The following ERC1 variants were observed in gnomAD, a reference collection of about 807,000 sequenced individuals.
The protein encoded by ERC1 is ELKS/RAB6-interacting/CAST family member 1, also known as RAB6 interacting protein 2.
A neutral mutation model predicts 132.0 loss-of-function variants in ERC1; 56 were observed. That is an observed-to-expected ratio of 0.42 (90% confidence interval 0.34 to 0.53). The LOEUF (loss-of-function observed/expected upper bound fraction) is 0.53, where lower values mean the gene tolerates loss of function less well. Among genes scored for constraint, ERC1 ranks in the 20% least tolerant of loss-of-function variants. The pLI is 0.03. For synonymous variants in ERC1, 478 were observed against 476.1 expected, an observed-to-expected ratio of 1.00 and a Z score of -0.05; for missense variants, 1,202 against 1,349.9, an observed-to-expected ratio of 0.89 and a Z score of 1.72.
intron 16 of ERC1, among the ~76,000 whole-genome samples, chr12:1,382,817 ATTATT>A (rs952964998): frequency 2.0e-5 from 3 of 152,174 alleles, no homozygotes; most frequent in African/African-American, 4.8e-5. Flanking sequence ...TTATGAAAGT[ATTATT>A]TTATTAAAAA....
intron 15 of ERC1, among the ~76,000 whole-genome samples, chr12:1,316,798 G>A (rs944682906): frequency 6.6e-6 from 1 of 152,206 alleles, no homozygotes; most frequent in Non-Finnish European, 1.5e-5. Flanking sequence ...GTTTATTGCA[G>A]CACTGTTCAC....
intron 13 of ERC1, chr12:1,244,517 T>TGTTC (rs766341701): frequency 1.7e-4 from 76 of 451,914 alleles, no homozygotes; most frequent in South Asian, 1.2e-3. Context: ...TTTGTTTGTT[T>TGTTC]GTTTGTTTGT....
intron 15 of ERC1, among the ~76,000 whole-genome samples, chr12:1,335,958 T>G (rs1302178408): frequency 1.3e-5 from 2 of 152,198 alleles, no homozygotes; most frequent in Non-Finnish European, 1.5e-5. Flanking sequence ...ATGGGCCTGT[T>G]CAGGGATTCA....
intron 12 of ERC1, among the ~76,000 whole-genome samples, chr12:1,231,392 C>G (rs996217458): frequency 6.6e-6 from 1 of 152,062 alleles, no homozygotes; most frequent in Non-Finnish European, 1.5e-5. Context: ...ATTATTGTAG[C>G]TATAGTTATT....
At chr12:1,162,576 C>T (rs1393464817) in intron 8 of ERC1, among the ~76,000 whole-genome samples, 22 of 151,340 alleles carry the variant, frequency 1.5e-4, no homozygotes, top group Admixed American at 1.4e-3. Context: ...TTGTATGTTC[C>T]GTTTGTTTTC....
At chr12:1,050,821 T>C (rs1592951641) in intron 2 of ERC1, among the ~76,000 whole-genome samples, 9 of 152,108 alleles carry the variant, frequency 5.9e-5, no homozygotes, top group Non-Finnish European at 7.4e-5. Context: ...CTGGCCAACA[T>C]GGTGAAACCC....
At chr12:1,005,351 C>G (rs1963379530) in intron 1 of ERC1, among the ~76,000 whole-genome samples, 1 of 152,084 alleles carries the variant, frequency 6.6e-6, no homozygotes, top group African/African-American at 2.4e-5. Context: ...CCATGTTGCC[C>G]AGGCTGGTCT....
At chr12:1,178,084 A>C (rs557708906) in intron 8 of ERC1, among the ~76,000 whole-genome samples, 1 of 152,346 alleles carries the variant, frequency 6.6e-6, no homozygotes, top group South Asian at 2.1e-4. Flanking sequence ...TCTCTTTGTT[A>C]ACAAGTGAAA....
At chr12:1,167,798 C>G (rs1008758861) in intron 8 of ERC1, among the ~76,000 whole-genome samples, 6 of 151,292 alleles carry the variant, frequency 4.0e-5, no homozygotes, top group African/African-American at 1.2e-4. Flanking sequence ...CTCACTGCAA[C>G]CTCCGCCTCC....
chr12:1,122,205 G>GCCTATTGATATA (rs1566018414), intron 7 of ERC1, among the ~76,000 whole-genome samples: 19 of 17,116 alleles, frequency 1.1e-3, no homozygotes, highest in African/African-American at 4.0e-3. Context: ...CTCTATCTGT[G>GCCTATTGATATA]TCTCTATCTC....
rs1491350051 is a variant in ERC1, at chr12:1,255,622, T to TTTTG, written c.2488-7409_2488-7408insGTTT. Among the ~76,000 whole-genome samples, 263 of 75,070 alleles carry TTTTG rather than the reference T, an allele frequency of 3.5e-3. 23 individuals carry two copies. The highest frequency in any genetic ancestry group is 0.015 in the African/African-American group (244 of 16,038). 49.2% of individuals were successfully genotyped at this position (75,070 alleles called of 152,430 possible). A position where few individuals can be genotyped will look rare whatever the true frequency, so the allele number is the denominator to read the frequency against. ...CTTCAGCATCTGTTGCTTCCTGGCCTTTTTTTTTTTTTTTTTTTTTTTTTT... is the reference window on the plus strand; with the variant it reads ...CTTCAGCATCTGTTGCTTCCTGGCCTTTTGTTTTTTTTTTTTTTTTTTTTTTTTT... On this transcript the variant is annotated intron_variant, in intron 13 of 18. Coordinates refer to ENST00000360905, the MANE Select transcript of ERC1 (RefSeq NM_178040.4).
chr12:1,091,847 G>C (rs375206870), intron 3 of ERC1, among the ~76,000 whole-genome samples: 1 of 152,106 alleles, frequency 6.6e-6, no homozygotes, highest in African/African-American at 2.4e-5. Flanking sequence ...GGGGAATGGG[G>C]ACTTGAAATG....
intron 17 of ERC1, among the ~76,000 whole-genome samples, chr12:1,441,960 C>T (rs999113082): frequency 2.0e-5 from 3 of 152,214 alleles, no homozygotes; most frequent in African/African-American, 7.2e-5. Flanking sequence ...CAGAGTCTCA[C>T]TCTGTCGCCC....
At chr12:1,017,968 G>A (rs1965786249) in intron 1 of ERC1, among the ~76,000 whole-genome samples, 1 of 152,156 alleles carries the variant, frequency 6.6e-6, no homozygotes, top group Non-Finnish European at 1.5e-5. Context: ...TGCTCTGTGT[G>A]TATGTGAATT....
At chr12:1,331,767 C>A (rs2082881980) in intron 15 of ERC1, among the ~76,000 whole-genome samples, 2 of 152,192 alleles carry the variant, frequency 1.3e-5, no homozygotes, top group South Asian at 4.1e-4. Flanking sequence ...GCTTTCGGAT[C>A]CATATTCCTG....
intron 14 of ERC1, among the ~76,000 whole-genome samples, chr12:1,282,233 G>A (rs988488536): frequency 6.6e-6 from 1 of 151,986 alleles, no homozygotes; most frequent in Non-Finnish European, 1.5e-5. Context: ...GGATGGAGTC[G>A]GACTACTCAG....
chr12:1,092,529 C>G (rs772157993), intron 3 of ERC1, among the ~76,000 whole-genome samples: 3 of 152,174 alleles, frequency 2.0e-5, no homozygotes, highest in African/African-American at 7.2e-5. Flanking sequence ...TTCAGTGTTT[C>G]TGCATAAATA....
At chr12:1,342,534 G>A (rs2084021177) in intron 15 of ERC1, among the ~76,000 whole-genome samples, 2 of 151,804 alleles carry the variant, frequency 1.3e-5, no homozygotes, top group Admixed American at 6.6e-5. Context: ...ATGGCAAAAG[G>A]TGCTAAGTGC....
At chr12:1,383,642 A>AC (rs1491500108) in intron 16 of ERC1, among the ~76,000 whole-genome samples, 2 of 152,140 alleles carry the variant, frequency 1.3e-5, no homozygotes, top group African/African-American at 2.4e-5. Context: ...ACACACACAC[A>AC]AAAAAAGCGA....
Sources: gnomAD v4.1 joint callset for allele counts (sites outside exome capture counted in the v4.1 genomes callset) on GRCh38, gnomAD v4.1.1 for gene constraint, MANE v1.5 for transcripts, NCBI Gene and HGNC (gene_info 2026-07-23, HGNC 2026-07-21) for gene names.